The following CA5A variants were observed in gnomAD, a reference collection of about 807,000 sequenced individuals.
CA5A encodes carbonic anhydrase 5A, mitochondrial.
CA5A carries 28 observed loss-of-function variants against 37.1 expected under a neutral mutation model. The observed-to-expected ratio is 0.75, with a 90% CI of 0.56 to 1.03. The LOEUF (loss-of-function observed/expected upper bound fraction) is 1.03. CA5A is among the 50% of genes least tolerant of loss of function. The probability of loss-of-function intolerance (pLI) is 0.00; values close to 1 mark genes in which losing one functional copy is unlikely to be tolerated. For missense variants in CA5A, 444 were observed against 399.9 expected (o/e 1.11, Z -0.94); for synonymous variants, 171 against 158.4 (o/e 1.08, Z -0.60).
intron 1 of CA5A, among the ~76,000 whole-genome samples, chr16:87,932,336 C>T (rs979033499): frequency 1.3e-5 from 2 of 152,186 alleles, no homozygotes; most frequent in African/African-American, 4.8e-5. Flanking sequence ...GCAGGCTTCC[C>T]TGGCTCACAG....
Position 87,927,666 on chromosome 16 carries a change from G to C in CA5A, c.143-721C>G, listed in dbSNP as rs183722212. Among the ~76,000 whole-genome samples the C allele has an allele frequency of 8.3e-3, 1,267 of 152,214 alleles. 34 individuals are homozygous for C. Among genetic ancestry groups the C allele is most frequent in the Admixed American group, 0.063 (957 of 15,272 alleles). On this transcript the variant is annotated intron_variant, in intron 1 of 6. Coordinates refer to ENST00000649794, the MANE Select transcript of CA5A (RefSeq NM_001739.2). The stretch of plus-strand genomic sequence containing the variant: ...ACTTGAGGTCAGGAGTTTGAGACCA[G>C]CCTGACCAACATGGCAAAACCCCAT...
At chr16:87,914,565 C>T (rs1222043514) in intron 2 of CA5A, among the ~76,000 whole-genome samples, 5 of 152,124 alleles carry the variant, frequency 3.3e-5, no homozygotes. Flanking sequence ...CAGCTAGAGC[C>T]ACTCACTGGC....
intron 1 of CA5A, among the ~76,000 whole-genome samples, chr16:87,927,679 G>A (rs959403589): frequency 6.6e-6 from 1 of 152,002 alleles, no homozygotes; most frequent in African/African-American, 2.4e-5. Flanking sequence ...TGACCAACAT[G>A]GCAAAACCCC....
chr16:87,910,983 C>G (rs1365282369), intron 2 of CA5A, among the ~76,000 whole-genome samples: 1 of 151,568 alleles, frequency 6.6e-6, no homozygotes, highest in African/African-American at 2.4e-5. Context: ...CTCTTGACCT[C>G]AAGGGATCTG....
chr16:87,907,884 C>G (rs1292075823), intron 2 of CA5A, among the ~76,000 whole-genome samples: 1 of 152,218 alleles, frequency 6.6e-6, no homozygotes, highest in South Asian at 2.1e-4. Context: ...CGAGATAGCG[C>G]CACTGCACTC....
intron 1 of CA5A, 39 bp from the exon 2 acceptor site, chr16:87,926,984 G>A (rs957892738): frequency 1.5e-6 from 2 of 1,340,402 alleles, no homozygotes; most frequent in Non-Finnish European, 2.1e-6. Context: ...TGAGGCATGA[G>A]CTTCATCCTG....
At chr16:87,913,837 G>A (rs1465256516) in intron 2 of CA5A, among the ~76,000 whole-genome samples, 1 of 152,166 alleles carries the variant, frequency 6.6e-6, no homozygotes, top group Admixed American at 6.5e-5. Context: ...GACCATCCTT[G>A]TCTGCTCTTG....
At chr16:87,913,651 T>A (rs1441209483) in intron 2 of CA5A, among the ~76,000 whole-genome samples, 1 of 138,774 alleles carries the variant, frequency 7.2e-6, no homozygotes, top group Non-Finnish European at 1.5e-5. Flanking sequence ...GTCTGTGCCG[T>A]GGCCCCCCCC....
intron 5 of CA5A, among the ~76,000 whole-genome samples, chr16:87,901,676 C>A (rs2055880452): frequency 6.6e-6 from 1 of 151,980 alleles, no homozygotes; most frequent in African/African-American, 2.4e-5. Flanking sequence ...GCAACCTCCA[C>A]CTCTGGGTTC....
intron 2 of CA5A, among the ~76,000 whole-genome samples, chr16:87,912,560 G>A (rs1183413013): frequency 6.6e-6 from 1 of 152,220 alleles, no homozygotes; most frequent in East Asian, 1.9e-4. Context: ...CCACGTGCCG[G>A]GCACCACGCT....
rs2056057929 is a variant in CA5A, at chr16:87,911,916, G to A, written c.341-7012C>T. 6.6e-6 allele frequency among the ~76,000 whole-genome samples: 1 copy of A among 152,174 alleles called. No individual in the cohort carries two copies. Among genetic ancestry groups the A allele is most frequent in the Non-Finnish European group, 1.5e-5 (1 of 68,042 alleles). ...GATTGAGTACGGTGATGCTTACAAA[G>A]TACCTCCCTCACAGTCCCTGGCACG... is the stretch of plus-strand genomic sequence containing the variant. On this transcript the variant is annotated intron_variant, in intron 2 of 6. Coordinates refer to ENST00000649794, the MANE Select transcript of CA5A (RefSeq NM_001739.2). The surrounding 1 kb of genome is among the most constrained non-coding windows in gnomAD (Gnocchi z 4.6).
At chr16:87,929,871 C>CAAAAAAAAA (rs58941982) in intron 1 of CA5A, among the ~76,000 whole-genome samples, 13 of 62,326 alleles carry the variant, frequency 2.1e-4, no homozygotes, top group East Asian at 5.8e-4. Context: ...GACTCCGTCT[C>CAAAAAAAAA]AAAAAAAAAA....
intron 1 of CA5A, among the ~76,000 whole-genome samples, chr16:87,932,655 C>G (rs2056423174): frequency 6.6e-6 from 1 of 151,960 alleles, no homozygotes; most frequent in South Asian, 2.1e-4. Flanking sequence ...TCCTATGGGT[C>G]AAGCCCTGGC....
intron 2 of CA5A, among the ~76,000 whole-genome samples, chr16:87,906,663 G>A (rs1597560439): frequency 6.6e-6 from 1 of 152,016 alleles, no homozygotes; most frequent in Non-Finnish European, 1.5e-5. Flanking sequence ...GCACCAAGGT[G>A]TAAACTGGAA....
At chr16:87,897,673 C>A (rs2143929848) in intron 5 of CA5A, among the ~76,000 whole-genome samples, 1 of 152,294 alleles carries the variant, frequency 6.6e-6, no homozygotes, top group East Asian at 1.9e-4. Context: ...GAGGTGGGCG[C>A]CAGGATGACT....
chr16:87,903,763 T>G (rs1190489290), intron 3 of CA5A, among the ~76,000 whole-genome samples: 1 of 152,166 alleles, frequency 6.6e-6, no homozygotes, highest in African/African-American at 2.4e-5. Context: ...GTCCTCAGCT[T>G]GAAAAAGCAT....
At chr16:87,922,592 G>A (rs1490385056) in intron 2 of CA5A, among the ~76,000 whole-genome samples, 1 of 152,246 alleles carries the variant, frequency 6.6e-6, no homozygotes, top group Non-Finnish European at 1.5e-5. Context: ...GCCCTGAGGG[G>A]TGAGGGACGG....
chr16:87,913,155 T>C (rs547754078), intron 2 of CA5A, among the ~76,000 whole-genome samples: 40 of 152,050 alleles, frequency 2.6e-4, no homozygotes, highest in African/African-American at 8.9e-4. Flanking sequence ...ATTTTTGTAT[T>C]ATTACCAGAG....
intron 1 of CA5A, among the ~76,000 whole-genome samples, chr16:87,935,482 C>A (rs940967241): frequency 6.6e-6 from 1 of 152,200 alleles, no homozygotes; most frequent in African/African-American, 2.4e-5. Context: ...CAGTGTGTCC[C>A]GTGCGAACAC....
Sources: allele counts gnomAD v4.1 joint callset (sites outside exome capture counted in the v4.1 genomes callset), GRCh38; gene constraint gnomAD v4.1.1; non-coding constraint Gnocchi (gnomAD v3.1); transcripts MANE v1.5; gene names NCBI Gene and HGNC (gene_info 2026-07-23, HGNC 2026-07-21).